The following NLRP5 variants were observed in gnomAD, a reference collection of about 807,000 sequenced individuals.
The protein encoded by NLRP5 is NACHT, LRR and PYD domains-containing protein 5.
Under a neutral mutation model 113.1 loss-of-function variants are expected in NLRP5, and 93 were observed. That is an observed-to-expected ratio of 0.82 (90% CI 0.70 to 0.98). NLRP5 has a LOEUF of 0.98. NLRP5 is among the 50% of genes least tolerant of loss of function. NLRP5 has a pLI of 0.00. For missense variants in NLRP5, 1,808 were observed against 1,514.3 expected (o/e 1.19, Z -3.22); for synonymous variants, 751 against 600.7 (o/e 1.25, Z -3.66).
At position 56,032,596 on chromosome 19, in the gene NLRP5, TC is replaced by T; in HGVS notation, c.2277-9del. 3 of 1,604,698 alleles carry T rather than the reference TC, an allele frequency of 1.9e-6. No individual in the cohort carries two copies. The highest frequency in any genetic ancestry group is 2.6e-6 in the Non-Finnish European group (3 of 1,173,788). ...TCCATCCCATGAGCCCATGTTTCTA[TC>T]CCCCCTGACATAGGATGCGGGATAA... is the stretch of plus-strand genomic sequence containing the variant. On this transcript the variant is annotated splice_polypyrimidine_tract_variant and intron_variant, in intron 7 of 14. Transcript: ENST00000390649.
chr19:55,991,692 G>A, the NLRP5 span, among the ~76,000 whole-genome samples: 1 of 151,916 alleles, frequency 6.6e-6, no homozygotes, highest in African/African-American at 2.4e-5. Flanking sequence ...TAATTTATTA[G>A]GCATACATAC....
At chr19:56,012,837 A>G (rs1056737307) in intron 3 of NLRP5, among the ~76,000 whole-genome samples, 2 of 152,194 alleles carry the variant, frequency 1.3e-5, no homozygotes, top group African/African-American at 2.4e-5. Flanking sequence ...CTGATAAGTC[A>G]CTTCAAATTT....
chr19:56,013,685 G>A (rs1004038376), intron 3 of NLRP5, among the ~76,000 whole-genome samples: 3 of 139,164 alleles, frequency 2.2e-5, no homozygotes, highest in Non-Finnish European at 4.5e-5. Flanking sequence ...TTGATTCAGG[G>A]AGGCCTATAC....
chr19:55,991,126 G>T, the NLRP5 span, among the ~76,000 whole-genome samples: 1 of 152,144 alleles, frequency 6.6e-6, no homozygotes, highest in Non-Finnish European at 1.5e-5. Flanking sequence ...TGTTTTTCTG[G>T]AGTGAGGAGG....
intron 13 of NLRP5, among the ~76,000 whole-genome samples, chr19:56,057,352 C>A (rs192145403): frequency 2.6e-5 from 4 of 151,924 alleles, no homozygotes; most frequent in African/African-American, 7.3e-5. Flanking sequence ...CAATGAGGTC[C>A]CTTGGCTTTC....
Position 56,003,928 on chromosome 19 carries a change from C to T in NLRP5, c.275C>T (p.Thr92Ile). The T allele has an allele frequency of 6.2e-7, 1 of 1,614,008 alleles. No homozygotes were observed. Among genetic ancestry groups the T allele is most frequent in the Non-Finnish European group, 8.5e-7 (1 of 1,179,888 alleles). Reference sequence around the variant, plus strand: ...CTAAAGAAGAAATCTTCAGAATCGACCACATGCTCTATTCCACAGTTTGAA... The same window carrying T: ...CTAAAGAAGAAATCTTCAGAATCGATCACATGCTCTATTCCACAGTTTGAA... The change falls in exon 2 of 15, where the codon ACC (threonine) becomes ATC (isoleucine). Residue 92 changes from threonine to isoleucine, a missense_variant. Coordinates refer to ENST00000390649, the MANE Select transcript of NLRP5 (RefSeq NM_153447.4).
intron 13 of NLRP5, among the ~76,000 whole-genome samples, chr19:56,057,676 A>AC (rs1233204238): frequency 1.3e-5 from 2 of 152,088 alleles, no homozygotes; most frequent in Non-Finnish European, 2.9e-5. Flanking sequence ...TGAGTTACCC[A>AC]CCATCTCTCA....
intron 7 of NLRP5, 92 bp downstream of exon 7, chr19:56,028,601 TC>T: frequency 8.1e-7 from 1 of 1,230,516 alleles, no homozygotes; most frequent in Non-Finnish European, 1.1e-6. Context: ...AACTTCAAGG[TC>T]CCAGAGAATT....
chr19:56,038,456 C>A (rs539248798), intron 10 of NLRP5, among the ~76,000 whole-genome samples: 13 of 152,292 alleles, frequency 8.5e-5, no homozygotes, highest in African/African-American at 3.1e-4. Flanking sequence ...ATGACCTTCC[C>A]TCCTGATAAA....
rs1357140407 is a variant in NLRP5 at position 56,027,230 on chromosome 19, A to G, written c.997A>G (p.Thr333Ala). 6.2e-6 allele frequency: 10 copies of G among 1,612,640 alleles called. No homozygotes were observed. Among genetic ancestry groups the G allele is most frequent in the Admixed American group, 5.0e-5 (3 of 59,864 alleles). ...GCAGCGGAAGAAGGAGAGCAGTGTC[A>G]CAGAGTTCATCTCCAGGGAGTGGCC... The change falls in exon 7 of 15, where the codon ACA becomes GCA. Residue 333 changes from threonine to alanine, a missense_variant. Physicochemically the swap from Thr to Ala is moderately conservative, Grantham distance 58. Transcript: ENST00000390649.
In NLRP5 at chr19:56,033,590, C is replaced by A. The variant is rs754155725; in HGVS notation, c.2496C>A (p.Ile832=). Residue 832 remains isoleucine, a synonymous_variant, in exon 9 of 15, where the codon ATC becomes ATA. Coordinates refer to ENST00000390649, the MANE Select transcript of NLRP5 (RefSeq NM_153447.4). ...CTGGTGTGCAGCACCTCTGGAGAAT[C>A]GTCATGGCCAACCGTAACCTAAGAT... 1 of 1,613,774 alleles carries A rather than the reference C, an allele frequency of 6.2e-7. No homozygotes were observed. The highest frequency in any genetic ancestry group is 1.1e-5 in the South Asian group (1 of 91,074).
intron 13 of NLRP5, among the ~76,000 whole-genome samples, chr19:56,055,157 T>C (rs1226862968): frequency 6.6e-6 from 1 of 151,480 alleles, no homozygotes; most frequent in Non-Finnish European, 1.5e-5. Context: ...CCCGGCTACT[T>C]TTTTTTGTAT....
chr19:56,050,540 T>C lies in NLRP5; in HGVS notation c.3080T>C (p.Leu1027Pro), dbSNP rs1983894839. Residue 1027 changes from leucine to proline, a missense_variant, in exon 12 of 15, where the codon CTT (leucine) becomes CCT (proline). By Grantham distance (98) the Leu-to-Pro change is moderately conservative. Transcript: ENST00000390649. ...CCTGTGGAAGACAATGGCGTGAAGC[T>C]TCTGTGCGAGGTCATGAGAGAACCA... The C allele has an allele frequency of 1.2e-6, 2 of 1,613,928 alleles. No homozygotes were observed. Among genetic ancestry groups the C allele is most frequent in the East Asian group, 4.5e-5 (2 of 44,864 alleles).
intron 6 of NLRP5, among the ~76,000 whole-genome samples, chr19:56,022,916 G>A (rs528623898): frequency 6.6e-6 from 1 of 152,228 alleles, no homozygotes; most frequent in East Asian, 1.9e-4. Flanking sequence ...TAGAGAGATG[G>A]GGTTTGTCCA....
chr19:56,001,631 C>A (rs570526461), intron 1 of NLRP5, among the ~76,000 whole-genome samples: 190 of 152,234 alleles, frequency 1.2e-3, no homozygotes, highest in African/African-American at 4.4e-3. Context: ...TCTAAGCAAG[C>A]AGAGCCAAAA....
At chr19:56,003,641 A>G in intron 1 of NLRP5, 95 bp from the exon 2 acceptor site, 2 of 1,408,470 alleles carry the variant, frequency 1.4e-6, no homozygotes, top group Non-Finnish European at 1.9e-6. Flanking sequence ...TTGAAAAGAG[A>G]AGGCCGTTCA....
chr19:56,026,754 A>G (rs1464123799), intron 6 of NLRP5, among the ~76,000 whole-genome samples, 159 bp from the exon 7 acceptor site: 4 of 151,224 alleles, frequency 2.6e-5, no homozygotes, highest in South Asian at 2.1e-4. Flanking sequence ...TAATTTTTGT[A>G]TTTATTAGAG....
chr19:56,013,596 G>GTTTTTTTTTTTTTTTTTTTTTGTT (rs1982290742), intron 3 of NLRP5, among the ~76,000 whole-genome samples: 7 of 59,284 alleles, frequency 1.2e-4, no homozygotes, highest in African/African-American at 6.1e-4. Flanking sequence ...GGACATTTGG[G>GTTTTTTTTTTTTTTTTTTTTTGTT]TTTTTTTTTT....
chr19:56,024,341 A>T (rs891068050), intron 6 of NLRP5, among the ~76,000 whole-genome samples: 12 of 113,468 alleles, frequency 1.1e-4, no homozygotes, highest in African/African-American at 1.8e-4. Context: ...ATCTCTGCTT[A>T]AAAAAAAAAA....
Sources: gnomAD v4.1 joint callset for allele counts (sites outside exome capture counted in the v4.1 genomes callset) on GRCh38, gnomAD v4.1.1 for gene constraint, MANE v1.5 for transcripts, NCBI Gene and HGNC (gene_info 2026-07-23, HGNC 2026-07-21) for gene names.